The following ADK variants were observed in gnomAD, a reference collection of about 807,000 sequenced individuals.
ADK encodes the protein adenosine kinase, also known as N6,N6-dimethyladenosine kinase.
ADK carries 24 observed loss-of-function variants against 44.7 expected under a neutral mutation model. The ratio of observed to expected loss-of-function variants is 0.54; its 90% CI spans 0.39 to 0.76. ADK has a LOEUF of 0.76. Among genes scored for constraint, ADK ranks in the 30% least tolerant of loss-of-function variants. ADK has a pLI of 0.00. For synonymous variants in ADK, 128 were observed against 142.6 expected (o/e 0.90, Z 0.73); for missense variants, 321 against 425.1 (o/e 0.76, Z 2.15).
chr10:74,612,685 G>A (rs192862017), intron 9 of ADK, among the ~76,000 whole-genome samples: 26 of 152,208 alleles, frequency 1.7e-4, no homozygotes, highest in Admixed American at 1.6e-3. Context: ...TGAGGTCTTA[G>A]TCATAAATTC....
intron 8 of ADK, among the ~76,000 whole-genome samples, chr10:74,590,518 C>T (rs1466423164): frequency 6.6e-6 from 1 of 152,130 alleles, no homozygotes; most frequent in African/African-American, 2.4e-5. Context: ...AGACAAGGAA[C>T]ATGTGATACA....
intron 7 of ADK, among the ~76,000 whole-genome samples, chr10:74,540,229 G>A (rs1436555227): frequency 6.6e-6 from 1 of 152,006 alleles, no homozygotes; most frequent in Non-Finnish European, 1.5e-5. Context: ...ATACACTCAA[G>A]TAAAGAAAAA....
intron 6 of ADK, among the ~76,000 whole-genome samples, chr10:74,432,559 C>T (rs1845038684): frequency 6.6e-6 from 1 of 151,970 alleles, no homozygotes; most frequent in Admixed American, 6.6e-5. Flanking sequence ...TTAAATTTTC[C>T]TCTTCCAAAT....
rs1381718287 is a variant in ADK at position 74,699,207 on chromosome 10, C to T, written c.965-9114C>T. Among the ~76,000 whole-genome samples, 3 of 148,182 alleles carry T rather than the reference C, an allele frequency of 2.0e-5. No individual in the cohort carries two copies. The Admixed American group carries it at 2.0e-4, about 10-fold the overall frequency. The stretch of plus-strand genomic sequence containing the variant: ...CACATTTATCTGCTATAGTGTTTAC[C>T]AACCACACTCTGGGGCCTGAGGCTG... On this transcript the variant is annotated intron_variant, in intron 10 of 10. Coordinates refer to ENST00000539909, the MANE Select transcript of ADK (RefSeq NM_006721.4).
At chr10:74,544,147 A>G (rs1849743786) in intron 7 of ADK, among the ~76,000 whole-genome samples, 1 of 152,206 alleles carries the variant, frequency 6.6e-6, no homozygotes, top group Admixed American at 6.5e-5. Flanking sequence ...GTATATAATT[A>G]CAATGCTTAC....
At chr10:74,473,505 G>A (rs959283746) in intron 6 of ADK, among the ~76,000 whole-genome samples, 4 of 152,146 alleles carry the variant, frequency 2.6e-5, no homozygotes, top group Non-Finnish European at 4.4e-5. Flanking sequence ...TTGTCATGTT[G>A]CTCTGTCTTG....
chr10:74,375,028 T>C (rs1265185346), intron 4 of ADK, among the ~76,000 whole-genome samples: 2 of 152,164 alleles, frequency 1.3e-5, no homozygotes, highest in East Asian at 3.9e-4. Context: ...TTAGATATAA[T>C]AAGAGTCTCT....
chr10:74,497,334 A>T (rs1054811119), intron 6 of ADK, among the ~76,000 whole-genome samples: 27 of 152,178 alleles, frequency 1.8e-4, no homozygotes. Flanking sequence ...TGCTGAAGGC[A>T]TGGTGTTTTT....
intron 6 of ADK, among the ~76,000 whole-genome samples, chr10:74,411,657 G>A (rs76180369): frequency 1.3e-5 from 2 of 152,170 alleles, no homozygotes; most frequent in Non-Finnish European, 2.9e-5. Flanking sequence ...GCTCAGAGTG[G>A]TGGCTTCTGA....
intron 7 of ADK, among the ~76,000 whole-genome samples, chr10:74,546,372 G>A (rs931084981): frequency 2.7e-4 from 41 of 152,050 alleles, no homozygotes; most frequent in African/African-American, 9.9e-4. Flanking sequence ...TAAGAGATAG[G>A]CCTTTTCTAG....
chr10:74,594,344 T>A (rs1321609773), intron 8 of ADK, among the ~76,000 whole-genome samples: 8 of 151,898 alleles, frequency 5.3e-5, no homozygotes, highest in Admixed American at 6.6e-5. Context: ...TTAAAAAAAA[T>A]TTCTAGTAAT....
intron 6 of ADK, among the ~76,000 whole-genome samples, chr10:74,508,658 A>T (rs542252922): frequency 3.0e-4 from 46 of 152,280 alleles, no homozygotes; most frequent in African/African-American, 1.1e-3. Context: ...AGGAGAATTG[A>T]GTTAATTCTC....
chr10:74,262,948 C>G (rs1178880213), intron 3 of ADK, among the ~76,000 whole-genome samples: 1 of 152,080 alleles, frequency 6.6e-6, no homozygotes, highest in Non-Finnish European at 1.5e-5. Context: ...GCAGAAATAC[C>G]TAATATGTAA....
chr10:74,618,866 T>C (rs1328948287), intron 9 of ADK, among the ~76,000 whole-genome samples: 2 of 152,216 alleles, frequency 1.3e-5, no homozygotes, highest in Non-Finnish European at 2.9e-5. Flanking sequence ...TTTTTAGTGC[T>C]TCTTGAATCT....
intron 7 of ADK, among the ~76,000 whole-genome samples, chr10:74,536,384 A>T (rs1849448627): frequency 6.6e-6 from 1 of 152,134 alleles, no homozygotes; most frequent in Non-Finnish European, 1.5e-5. Context: ...TGGGACAAAA[A>T]GTGAAGTATC....
intron 7 of ADK, among the ~76,000 whole-genome samples, chr10:74,545,291 C>G (rs1028141497): frequency 1.3e-5 from 2 of 152,002 alleles, no homozygotes; most frequent in Admixed American, 1.3e-4. Flanking sequence ...CAACTTTTTT[C>G]AAAATAGGAA....
At chr10:74,301,387 G>C (rs183818514) in intron 3 of ADK, among the ~76,000 whole-genome samples, 1 of 151,702 alleles carries the variant, frequency 6.6e-6, no homozygotes, top group East Asian at 1.9e-4. Context: ...GGTGGCGTGC[G>C]CCTGTAGTCT....
At chr10:74,277,838 T>C (rs1229932510) in intron 3 of ADK, among the ~76,000 whole-genome samples, 1 of 152,198 alleles carries the variant, frequency 6.6e-6, no homozygotes. Flanking sequence ...TGCTTAGAAA[T>C]TTTTTAGATT....
intron 2 of ADK, among the ~76,000 whole-genome samples, chr10:74,209,358 T>C (rs918860565): frequency 1.3e-5 from 2 of 152,212 alleles, no homozygotes; most frequent in African/African-American, 2.4e-5. Context: ...TAACCGTGGA[T>C]TTCCCAGCCT....
Sources: gnomAD v4.1 joint callset for allele counts (sites outside exome capture counted in the v4.1 genomes callset) on GRCh38, gnomAD v4.1.1 for gene constraint, MANE v1.5 for transcripts, NCBI Gene and HGNC (gene_info 2026-07-23, HGNC 2026-07-21) for gene names.